MKNK2: variants seen among roughly 807,000 people sequenced by gnomAD.
MKNK2 encodes the protein MAP kinase-interacting serine/threonine-protein kinase 2.
Under a neutral mutation model 55.0 loss-of-function variants are expected in MKNK2, and 54 were observed. That is an observed-to-expected ratio of 0.98 (90% CI 0.79 to 1.23). The LOEUF is 1.23. MKNK2 is among the 50% of genes most tolerant of loss of function. The pLI, the probability that MKNK2 is intolerant of heterozygous loss-of-function variation, is 0.00. For synonymous variants in MKNK2, 323 were observed against 256.0 expected, an observed-to-expected ratio of 1.26 and a Z score of -2.50; for missense variants, 685 against 632.1, an observed-to-expected ratio of 1.08 and a Z score of -0.90.
chr19:2,042,057 T>C, intron 10 of MKNK2, 23 bp from the exon 11 acceptor site: 1 of 1,462,194 alleles, frequency 6.8e-7, no homozygotes, highest in South Asian at 1.4e-5. Context: ...GAGGGGCGCG[T>C]CAGCCGGGGT....
rs759883230 is a variant in MKNK2, at chr19:2,039,678, C to G, written c.1333G>C (p.Ala445Pro). 4 of 1,613,126 alleles carry G rather than the reference C, an allele frequency of 2.5e-6. No homozygotes were observed. In the Admixed American group the frequency reaches 5.0e-5, roughly 20 times the overall value. ...AGACTGGCCCTTTGCCGCCGCTGCG[C>G]CAGCTTGGACTGGGAGGGTGGAGAC... ...QLSPPSQSKL[A>P]QRRQRASLSS... Residue 445 changes from alanine to proline, a missense_variant, in exon 14 of 14, where the codon GCG becomes CCG. Ala to Pro is a conservative substitution (Grantham distance 27). Coordinates refer to ENST00000250896, the MANE Select transcript of MKNK2 (RefSeq NM_199054.3).
chr19:2,042,153 C>A, intron 10 of MKNK2, 119 bp from the exon 11 acceptor site: 1 of 999,778 alleles, frequency 1.0e-6, no homozygotes, highest in Non-Finnish European at 1.4e-6. Context: ...CGGGCCCGAC[C>A]AATCAGCGGC....
intron 5 of MKNK2, among the ~76,000 whole-genome samples, chr19:2,043,792 G>A (rs1392602304): frequency 6.6e-6 from 1 of 152,052 alleles, no homozygotes; most frequent in Admixed American, 6.5e-5. Context: ...TGGCCAACAT[G>A]GCAAAACCCT....
intron 12 of MKNK2, 141 bp downstream of exon 12, chr19:2,040,899 T>A (rs2016863476): frequency 1.2e-6 from 1 of 863,786 alleles, no homozygotes; most frequent in African/African-American, 1.7e-5. Context: ...GCACCCCTCA[T>A]CCCAGGGCAG....
At position 2,038,528 on chromosome 19, in the gene MKNK2, C is replaced by T. The variant is rs1031401699; in HGVS notation, c.*1085G>A. The T allele has an allele frequency of 1.7e-5, 17 of 985,434 alleles. No homozygotes were observed. Among genetic ancestry groups the T allele is most frequent in the African/African-American group, 5.2e-5 (3 of 57,148 alleles). The allele number at this position is 985,434 out of a possible 1,614,324, so 61.0% of individuals were successfully genotyped here. A position where few individuals can be genotyped will look rare whatever the true frequency, so the allele number is the denominator to read the frequency against. On this transcript the variant is annotated 3_prime_UTR_variant, in exon 14 of 14. Coordinates refer to ENST00000250896, the MANE Select transcript of MKNK2 (RefSeq NM_199054.3). ...CATTCCTGGGTGCCCGAAGGGAGGC[C>T]GAGGCCGCAGCCGTTTTCCTGAAGG...
intron 12 of MKNK2, 48 bp downstream of exon 12, chr19:2,040,992 C>T (rs1391606916): frequency 6.3e-7 from 1 of 1,597,438 alleles, no homozygotes; most frequent in East Asian, 2.2e-5. Context: ...TGAGGCCACC[C>T]TGCAGCGCCC....
At chr19:2,049,683 C>A (rs2017071374) in intron 2 of MKNK2, among the ~76,000 whole-genome samples, 3 of 152,198 alleles carry the variant, frequency 2.0e-5, no homozygotes, top group Admixed American at 2.0e-4. Flanking sequence ...TCAGCTCATG[C>A]CTGGCCCTAG....
rs2016816090 is a variant in MKNK2 at position 2,039,049 on chromosome 19, C to T, written c.*564G>A. Reference sequence around the variant, plus strand: ...GGTGGGTGGGTGAGCTGCCTGCCACCTGCCTGCCTGACACCTCCAGAGACA... The same window carrying T: ...GGTGGGTGGGTGAGCTGCCTGCCACTTGCCTGCCTGACACCTCCAGAGACA... On this transcript the variant is annotated 3_prime_UTR_variant, in exon 14 of 14. Coordinates refer to ENST00000250896, the MANE Select transcript of MKNK2 (RefSeq NM_199054.3). The T allele has an allele frequency of 1.0e-6, 1 of 986,544 alleles. No individual in the cohort carries two copies. The highest frequency in any genetic ancestry group is 1.7e-5 in the African/African-American group (1 of 57,364). 61.1% of individuals were successfully genotyped at this position (986,544 alleles called of 1,614,324 possible).
chr19:2,040,464 T>A (rs1422317553), intron 12 of MKNK2: 2 of 445,724 alleles, frequency 4.5e-6, no homozygotes, highest in Non-Finnish European at 8.0e-6. Context: ...CTCTCCCGGC[T>A]GTTCCCAGCC....
chr19:2,040,416 G>A lies in MKNK2; in HGVS notation c.1111-239C>T, dbSNP rs959250428. 7 of 521,350 alleles carry A rather than the reference G, an allele frequency of 1.3e-5. No individual in the cohort carries two copies. In the South Asian group the frequency reaches 1.4e-4, roughly 10 times the overall value. 32.3% of individuals were successfully genotyped at this position (521,350 alleles called of 1,614,324 possible). A position where few individuals can be genotyped will look rare whatever the true frequency, so the allele number is the denominator to read the frequency against. On this transcript the variant is annotated intron_variant, in intron 12 of 13. Coordinates refer to ENST00000250896, the MANE Select transcript of MKNK2 (RefSeq NM_199054.3). ...GGCCAGGCTGAGGCCTGGTGTTACA[G>A]GACCCAGTGAGGGTGGGGGCAGAGC...
intron 5 of MKNK2, among the ~76,000 whole-genome samples, chr19:2,044,727 A>T (rs2145690191): frequency 6.6e-6 from 1 of 152,366 alleles, no homozygotes; most frequent in African/African-American, 2.4e-5. Context: ...GGGTGTCCTG[A>T]AATACCACCA....
intron 2 of MKNK2, among the ~76,000 whole-genome samples, chr19:2,048,815 C>T (rs574952798): frequency 6.6e-6 from 1 of 152,124 alleles, no homozygotes; most frequent in Non-Finnish European, 1.5e-5. Context: ...CTCCAACTAG[C>T]CCCCATGGGA....
chr19:2,042,996 C>T (rs1483144680), intron 7 of MKNK2, 126 bp from the exon 8 acceptor site: 6 of 1,304,016 alleles, frequency 4.6e-6, no homozygotes, highest in Non-Finnish European at 6.5e-6. Flanking sequence ...GCACAAAGGC[C>T]TCACCCCTGA....
Position 2,046,404 on chromosome 19 carries a change from G to A in MKNK2, c.204C>T (p.Arg68=), listed in dbSNP as rs34916924. ...DAKKRGKKKK[R]GRATDSFSGR... is the part of the protein sequence containing the mutation. ...CCGAGAAGCTGTCGGTGGCCCGGCC[G>A]CGCTTCTTCTTCTTGCCCCTCTTCT... Residue 68 remains arginine (R), a synonymous_variant, in exon 4 of 14, where the codon CGC becomes CGT. Transcript: ENST00000250896. 0.012 allele frequency: 18,630 copies of A among 1,608,942 alleles called. 152 individuals carry two copies. The highest frequency in any genetic ancestry group is 0.014 in the Non-Finnish European group (16,619 of 1,179,822).
At chr19:2,041,018 C>G in intron 12 of MKNK2, 22 bp downstream of exon 12, 1 of 1,612,966 alleles carries the variant, frequency 6.2e-7, no homozygotes, top group East Asian at 2.2e-5. Context: ...CCCCTCCTGC[C>G]GCCCGTGCGG....
At position 2,039,546 on chromosome 19, in the gene MKNK2, T is replaced by C; in HGVS notation, c.*67A>G. On this transcript the variant is annotated 3_prime_UTR_variant, in exon 14 of 14. Transcript: ENST00000250896. ...CAGCCCGCTGGACACCGGCTGGCGA[T>C]AGCTTAAAAAACCTTTAGATTTGAT... The C allele has an allele frequency of 9.1e-6, 14 of 1,530,384 alleles. No homozygotes were observed. The highest frequency in any genetic ancestry group is 1.1e-5 in the Non-Finnish European group (12 of 1,136,284). 94.8% of individuals were successfully genotyped at this position (1,530,384 alleles called of 1,614,324 possible). A position where few individuals can be genotyped will look rare whatever the true frequency, so the allele number is the denominator to read the frequency against.
intron 2 of MKNK2, among the ~76,000 whole-genome samples, chr19:2,047,528 G>A (rs1945075307): frequency 6.6e-6 from 1 of 152,178 alleles, no homozygotes; most frequent in Non-Finnish European, 1.5e-5. Context: ...CTTGTCCACA[G>A]AATGGGGACG....
At chr19:2,046,817 C>A in intron 2 of MKNK2, 126 bp from the exon 3 acceptor site, 1 of 686,910 alleles carries the variant, frequency 1.5e-6, no homozygotes, top group South Asian at 2.5e-5. Context: ...ACGGAAAAAT[C>A]AACTCCGTCC....
At chr19:2,049,405 G>A (rs1464481948) in intron 2 of MKNK2, among the ~76,000 whole-genome samples, 1 of 152,140 alleles carries the variant, frequency 6.6e-6, no homozygotes, top group African/African-American at 2.4e-5. Flanking sequence ...AACCGGTCCC[G>A]GCCACCTGGA....
Sources: gnomAD v4.1 joint callset for allele counts (sites outside exome capture counted in the v4.1 genomes callset) on GRCh38, gnomAD v4.1.1 for gene constraint, MANE v1.5 for transcripts, NCBI Gene and HGNC (gene_info 2026-07-23, HGNC 2026-07-21) for gene names.